Variants in DSCAM observed in about 807,000 individuals in gnomAD.
DSCAM encodes cell adhesion molecule DSCAM.
In DSCAM, 47 loss-of-function variants were observed where a neutral mutation model predicts 217.7. That is an observed-to-expected ratio of 0.22 (90% CI 0.17 to 0.28). The LOEUF is 0.28. DSCAM is among the 10% of genes least tolerant of loss of function. The probability of loss-of-function intolerance (pLI) is 1.00; values close to 1 mark genes in which losing one functional copy is unlikely to be tolerated. For missense variants in DSCAM, 2,080 were observed against 2,618.3 expected (o/e 0.79, Z 4.49); for synonymous variants, 1,056 against 1,015.3 (o/e 1.04, Z -0.76).
At chr21:40,663,040 CAT>C (rs1409189685) in intron 3 of DSCAM, among the ~76,000 whole-genome samples, 1 of 137,410 alleles carries the variant, frequency 7.3e-6, no homozygotes. Context: ...TGTGTGTGCA[CAT>C]GTGAGTGTGT....
chr21:40,049,129 A>C (rs2088888660), intron 30 of DSCAM, among the ~76,000 whole-genome samples: 1 of 152,222 alleles, frequency 6.6e-6, no homozygotes, highest in Non-Finnish European at 1.5e-5. Flanking sequence ...GAAATTCAGC[A>C]CAAAGGACAG....
intron 20 of DSCAM, among the ~76,000 whole-genome samples, chr21:40,118,361 C>T (rs115747836): frequency 0.016 from 2,418 of 152,090 alleles, 67 homozygotes; most frequent in African/African-American, 0.056. Flanking sequence ...CGAGGCAGGC[C>T]GATCACTTGA....
chr21:40,030,722 CT>C (rs374306833), intron 32 of DSCAM, among the ~76,000 whole-genome samples: 1 of 152,164 alleles, frequency 6.6e-6, no homozygotes, highest in African/African-American at 2.4e-5. Flanking sequence ...CTGATTTCTG[CT>C]GGAAATCCAG....
At chr21:40,451,149 C>T (rs923961672) in intron 3 of DSCAM, among the ~76,000 whole-genome samples, 4 of 152,192 alleles carry the variant, frequency 2.6e-5, no homozygotes, top group Non-Finnish European at 4.4e-5. Context: ...AGAGGCTCTG[C>T]CCCACTGGAA....
chr21:40,190,047 C>A (rs1302440600), intron 11 of DSCAM, among the ~76,000 whole-genome samples: 1 of 152,190 alleles, frequency 6.6e-6, no homozygotes, highest in Admixed American at 6.5e-5. Flanking sequence ...TTGTTATAAA[C>A]CTTGCAAACC....
chr21:40,617,883 G>C (rs1283271095), intron 3 of DSCAM, among the ~76,000 whole-genome samples: 1 of 152,192 alleles, frequency 6.6e-6, no homozygotes, highest in Non-Finnish European at 1.5e-5. Context: ...AATTCCTACT[G>C]CAGAGCAATG....
At chr21:40,161,812 T>C (rs2090544195) in intron 16 of DSCAM, among the ~76,000 whole-genome samples, 1 of 152,202 alleles carries the variant, frequency 6.6e-6, no homozygotes, top group Non-Finnish European at 1.5e-5. Flanking sequence ...TGCAAACTTT[T>C]GTCATTTTTC....
chr21:40,331,088 T>C (rs1472800867), intron 8 of DSCAM, among the ~76,000 whole-genome samples: 1 of 152,148 alleles, frequency 6.6e-6, no homozygotes, highest in Non-Finnish European at 1.5e-5. Flanking sequence ...AAAAATAAAC[T>C]CAAAATGCTG....
At chr21:40,828,263 T>C (rs1467338686) in intron 1 of DSCAM, among the ~76,000 whole-genome samples, 1 of 151,982 alleles carries the variant, frequency 6.6e-6, no homozygotes, top group African/African-American at 2.4e-5. Context: ...TAAAAATAAA[T>C]ACAAGGGCAA....
chr21:40,364,752 G>A (rs2074812439), intron 4 of DSCAM, among the ~76,000 whole-genome samples: 3 of 129,748 alleles, frequency 2.3e-5, no homozygotes, highest in Admixed American at 7.7e-5. Context: ...ACACACACTA[G>A]TATATATACA....
At chr21:40,460,135 G>A (rs115107027) in intron 3 of DSCAM, among the ~76,000 whole-genome samples, 1 of 152,034 alleles carries the variant, frequency 6.6e-6, no homozygotes, top group East Asian at 1.9e-4. Flanking sequence ...TGGTGGCATT[G>A]GGGAAAGGAG....
intron 11 of DSCAM, among the ~76,000 whole-genome samples, chr21:40,274,296 A>T (rs554298929): frequency 6.6e-6 from 1 of 152,018 alleles, no homozygotes; most frequent in African/African-American, 2.4e-5. Context: ...TGACATTTCC[A>T]TCCTCCTCTG....
chr21:40,766,716 G>T (rs1313210415), intron 1 of DSCAM, among the ~76,000 whole-genome samples: 4 of 144,876 alleles, frequency 2.8e-5, no homozygotes, highest in Admixed American at 6.8e-5. Context: ...TTGAGGCAGG[G>T]TCTCTTTCTG....
In DSCAM at chr21:40,739,816, C is replaced by T. The variant is rs9975500; in HGVS notation, c.44-31045G>A. Among the ~76,000 whole-genome samples the T allele has an allele frequency of 1.7e-4, 25 of 150,544 alleles. No homozygotes were observed. In the East Asian group the frequency reaches 3.3e-3, roughly 20 times the overall value. On this transcript the variant is annotated intron_variant, in intron 1 of 32. Coordinates refer to ENST00000400454, the MANE Select transcript of DSCAM (RefSeq NM_001389.5). ...TTTTTTCCCCCAGAAAAGAAATTAT[C>T]TCCTGATTCTGGCAGGCAGTTCAGT... is the stretch of plus-strand genomic sequence containing the variant.
intron 3 of DSCAM, among the ~76,000 whole-genome samples, chr21:40,543,838 A>G (rs1226161081): frequency 6.6e-6 from 1 of 152,156 alleles, no homozygotes; most frequent in African/African-American, 2.4e-5. Context: ...CCTGTTTAAA[A>G]GTTTTATTTC....
At chr21:40,323,878 C>T (rs1186532633) in intron 8 of DSCAM, among the ~76,000 whole-genome samples, 2 of 151,514 alleles carry the variant, frequency 1.3e-5, no homozygotes, top group Admixed American at 6.6e-5. Context: ...CTGAGGTGGG[C>T]GGATCATCTG....
chr21:40,085,023 C>G (rs1205124864), intron 23 of DSCAM, among the ~76,000 whole-genome samples: 1 of 152,132 alleles, frequency 6.6e-6, no homozygotes, highest in Non-Finnish European at 1.5e-5. Flanking sequence ...CAAATCTGAA[C>G]TCAATCACTT....
At chr21:40,834,704 C>T (rs1213350415) in intron 1 of DSCAM, among the ~76,000 whole-genome samples, 1 of 152,084 alleles carries the variant, frequency 6.6e-6, no homozygotes, top group African/African-American at 2.4e-5. Context: ...GGCAAGAGGT[C>T]ACAGCAATGT....
chr21:40,376,621 C>CTATATATCTTATATA (rs2074962584), intron 3 of DSCAM, among the ~76,000 whole-genome samples: 5 of 139,584 alleles, frequency 3.6e-5, no homozygotes, highest in Admixed American at 1.4e-4. Context: ...ATATAGATAT[C>CTATATATCTTATATA]GATATCTATA....
Sources: allele counts gnomAD v4.1 joint callset (sites outside exome capture counted in the v4.1 genomes callset), GRCh38; gene constraint gnomAD v4.1.1; transcripts MANE v1.5; gene names NCBI Gene and HGNC (gene_info 2026-07-23, HGNC 2026-07-21).